TRIM5: variants seen among roughly 807,000 people sequenced by gnomAD.
The protein encoded by TRIM5 is tripartite motif-containing protein 5.
A neutral mutation model predicts 35.6 loss-of-function variants in TRIM5; 31 were observed. That is an observed-to-expected ratio of 0.87 (90% CI 0.65 to 1.18). The LOEUF is 1.18. Among genes scored for constraint, TRIM5 ranks in the 50% most tolerant of loss-of-function variants. The pLI is 0.00. For synonymous variants in TRIM5, 243 were observed against 215.6 expected (o/e 1.13, Z -1.11); for missense variants, 609 against 591.6 (o/e 1.03, Z -0.31).
the TRIM5 span, chr11:5,634,714 G>C: frequency 6.2e-7 from 1 of 1,614,078 alleles, no homozygotes; most frequent in Middle Eastern, 1.6e-4. Context: ...AGCAGAGAGA[G>C]CTGCAAAGAT....
chr11:5,640,696 T>C, the TRIM5 span, among the ~76,000 whole-genome samples: 1 of 152,180 alleles, frequency 6.6e-6, no homozygotes. Flanking sequence ...CTCTTCTTTA[T>C]TTTTGAAATA....
chr11:5,616,737 CTTT>C, the TRIM5 span, among the ~76,000 whole-genome samples: 2 of 126,544 alleles, frequency 1.6e-5, no homozygotes, highest in African/African-American at 2.9e-5. Context: ...CGAGAATAAC[CTTT>C]TTTTTTTTTT....
At chr11:5,632,534 T>C in the TRIM5 span, 1 of 1,613,920 alleles carries the variant, frequency 6.2e-7, no homozygotes, top group Non-Finnish European at 8.5e-7. Flanking sequence ...TTTGAACATC[T>C]ACAGGCTAAT....
the TRIM5 span, among the ~76,000 whole-genome samples, chr11:5,656,062 C>T: frequency 9.9e-5 from 15 of 152,260 alleles, no homozygotes; most frequent in African/African-American, 3.6e-4. Context: ...TAGAAGAAAA[C>T]CTAGGCAATA....
chr11:5,654,823 A>T, the TRIM5 span, among the ~76,000 whole-genome samples: 1 of 152,204 alleles, frequency 6.6e-6, no homozygotes, highest in South Asian at 2.1e-4. Flanking sequence ...GATTACCTAA[A>T]TGTTAATAAC....
At chr11:5,661,277 G>A (rs772983079), downstream of TRIM5, among the ~76,000 whole-genome samples, 12 of 151,878 alleles carry the variant, frequency 7.9e-5, no homozygotes, top group Admixed American at 1.3e-4. Flanking sequence ...TCCTCTGCCC[G>A]ATGCTTATTC....
At position 5,678,462 on chromosome 11, in the gene TRIM5, C is replaced by T. The variant is rs201739411; in HGVS notation, c.514-28G>A. 25 of 1,477,030 alleles carry T rather than the reference C, an allele frequency of 1.7e-5. No individual in the cohort carries two copies. The South Asian group carries it at 3.2e-4, about 19-fold the overall frequency. The allele number at this position is 1,477,030 out of a possible 1,614,324, so 91.5% of individuals were successfully genotyped here. ...TCAGAGATAAGAGAAGAGAAAGGGG[C>T]ACTCAGTCTACCAGGCAGAGGCTGT... On this transcript the variant is annotated intron_variant, in intron 3 of 7. Transcript: ENST00000380034.
Position 5,679,899 on chromosome 11 carries a change from A to G in TRIM5, c.279T>C (p.Asp93=), listed in dbSNP as rs772218975. ...VKLSPEGQKV[D]HCARHGEKLL... ...GTTTCTCTCCATGGCGTGCACAATGATCAACTTTCTGCCCCTCTGGGCTCA... is the reference window on the plus strand; with the variant it reads ...GTTTCTCTCCATGGCGTGCACAATGGTCAACTTTCTGCCCCTCTGGGCTCA... The change falls in exon 2 of 8, where the codon GAT becomes GAC. Residue 93 remains aspartate, a synonymous_variant. Transcript: ENST00000380034. 4 of 1,613,632 alleles carry G rather than the reference A, an allele frequency of 2.5e-6. No homozygotes were observed. Among genetic ancestry groups the G allele is most frequent in the Non-Finnish European group, 3.4e-6 (4 of 1,179,992 alleles).
chr11:5,610,201 T>C, the TRIM5 span: 84 of 1,613,970 alleles, frequency 5.2e-5, no homozygotes, highest in Non-Finnish European at 6.7e-5. Context: ...CTGAGAAGTA[T>C]GTTCCGAGCC....
chr11:5,673,332 C>G (rs1354001102), intron 4 of TRIM5, among the ~76,000 whole-genome samples: 2 of 151,964 alleles, frequency 1.3e-5, no homozygotes, highest in South Asian at 4.1e-4. Context: ...GTGAGAATAA[C>G]AGGAATATTT....
the TRIM5 span, among the ~76,000 whole-genome samples, chr11:5,604,077 C>T: frequency 1.2e-4 from 18 of 152,066 alleles, no homozygotes; most frequent in Non-Finnish European, 1.9e-4. Context: ...CTCACTGCAA[C>T]CTCCGCCTCC....
intron 1 of TRIM5, among the ~76,000 whole-genome samples, chr11:5,683,034 A>C (rs1312941363): frequency 6.6e-6 from 1 of 152,048 alleles, no homozygotes; most frequent in Non-Finnish European, 1.5e-5. Flanking sequence ...TGGGCCCCGC[A>C]CTCGGAGTGG....
downstream of TRIM5, among the ~76,000 whole-genome samples, chr11:5,660,255 G>T (rs1268638741): frequency 2.0e-5 from 3 of 152,126 alleles, no homozygotes; most frequent in Admixed American, 6.5e-5. Context: ...GATTACAAGC[G>T]TAAGCCACTG....
rs780584142 is a variant in TRIM5, at chr11:5,679,868, G to A, written c.310C>T (p.Leu104Phe). ...ACCTTCCCGTCCTCCTGACAGAAGA[G>A]TAGAAGTTTCTCTCCATGGCGTGCA... The part of the protein sequence containing the change: ...HCARHGEKLL[L>F]FCQEDGKVIC... The change falls in exon 2 of 8, where the codon CTC becomes TTC. Residue 104 changes from leucine to phenylalanine, a missense_variant. Physicochemically the swap from Leu to Phe is conservative, Grantham distance 22 (BLOSUM62 0). Transcript: ENST00000380034. The A allele has an allele frequency of 3.1e-6, 5 of 1,613,784 alleles. No homozygotes were observed.
chr11:5,641,262 G>C, the TRIM5 span: 1 of 1,605,792 alleles, frequency 6.2e-7, no homozygotes, highest in Non-Finnish European at 8.5e-7. Flanking sequence ...GTTATTTGGT[G>C]GTCAATTGGA....
chr11:5,655,053 C>T, the TRIM5 span, among the ~76,000 whole-genome samples: 3 of 151,826 alleles, frequency 2.0e-5, no homozygotes, highest in African/African-American at 2.4e-5. Context: ...ATTATCTGGG[C>T]GTGGTGGCGG....
downstream of TRIM5, among the ~76,000 whole-genome samples, chr11:5,660,623 G>A (rs894481434): frequency 6.6e-6 from 1 of 151,846 alleles, no homozygotes; most frequent in African/African-American, 2.4e-5. Context: ...TTGATTTTAC[G>A]CTTTCTTTCT....
the TRIM5 span, among the ~76,000 whole-genome samples, chr11:5,626,270 C>T: frequency 2.0e-5 from 3 of 152,048 alleles, no homozygotes; most frequent in Non-Finnish European, 2.9e-5. Flanking sequence ...ATGAAATATA[C>T]GTGGAAGCCT....
chr11:5,658,506 C>T (rs1239551164), downstream of TRIM5, among the ~76,000 whole-genome samples: 1 of 152,230 alleles, frequency 6.6e-6, no homozygotes, highest in African/African-American at 2.4e-5. Flanking sequence ...AGGGTCAGAG[C>T]AGATAAACAC....
Sources: allele counts gnomAD v4.1 joint callset (sites outside exome capture counted in the v4.1 genomes callset), GRCh38; gene constraint gnomAD v4.1.1; transcripts MANE v1.5; gene names NCBI Gene and HGNC (gene_info 2026-07-23, HGNC 2026-07-21).